The following SLC6A15 variants were observed in gnomAD, a reference collection of about 807,000 sequenced individuals.
SLC6A15 encodes solute carrier family 6 member 15.
SLC6A15 carries 33 observed loss-of-function variants against 68.5 expected under a neutral mutation model. The ratio of observed to expected loss-of-function variants is 0.48; its 90% CI spans 0.37 to 0.64. The LOEUF (loss-of-function observed/expected upper bound fraction) is 0.64. SLC6A15 is among the 30% of genes least tolerant of loss of function. The probability of loss-of-function intolerance (pLI) is 0.00; values close to 1 mark genes in which losing one functional copy is unlikely to be tolerated. For missense variants in SLC6A15, 747 were observed against 874.3 expected, an observed-to-expected ratio of 0.85 and a Z score of 1.84; for synonymous variants, 347 against 301.0, an observed-to-expected ratio of 1.15 and a Z score of -1.58.
At chr12:84,902,225 A>G (rs113790643) in intron 1 of SLC6A15, among the ~76,000 whole-genome samples, 1 of 151,886 alleles carries the variant, frequency 6.6e-6, no homozygotes, top group Non-Finnish European at 1.5e-5. Flanking sequence ...AAGGAAGGGA[A>G]CTTTTTTTAC....
intron 1 of SLC6A15, among the ~76,000 whole-genome samples, chr12:84,908,813 TA>T (rs1873301820): frequency 1.3e-5 from 2 of 151,978 alleles, no homozygotes. Flanking sequence ...TGCTTCTTTT[TA>T]CACAACTATT....
intron 10 of SLC6A15, among the ~76,000 whole-genome samples, chr12:84,864,401 C>A (rs1052447521): frequency 4.0e-5 from 6 of 150,066 alleles, no homozygotes; most frequent in African/African-American, 1.2e-4. Flanking sequence ...CTCACTGCAA[C>A]CTCATCTTCC....
intron 4 of SLC6A15, 27 bp downstream of exon 4, chr12:84,885,408 C>A (rs1424084749): frequency 1.9e-6 from 3 of 1,557,174 alleles, no homozygotes; most frequent in Admixed American, 2.0e-5. Flanking sequence ...GCTTAAATAC[C>A]AAAACACTGT....
intron 10 of SLC6A15, among the ~76,000 whole-genome samples, chr12:84,866,752 G>A (rs1408207496): frequency 6.6e-6 from 1 of 152,122 alleles, no homozygotes; most frequent in Non-Finnish European, 1.5e-5. Context: ...TTGGAACTCT[G>A]CCAATACTTA....
At chr12:84,891,089 T>C (rs1872368504) in intron 2 of SLC6A15, among the ~76,000 whole-genome samples, 1 of 152,176 alleles carries the variant, frequency 6.6e-6, no homozygotes, top group African/African-American at 2.4e-5. Context: ...GTTTTTTCCC[T>C]AGACTTCTAA....
At chr12:84,905,715 A>C (rs1429673966) in intron 1 of SLC6A15, among the ~76,000 whole-genome samples, 1 of 152,216 alleles carries the variant, frequency 6.6e-6, no homozygotes, top group African/African-American at 2.4e-5. Flanking sequence ...ATTTGGTTGA[A>C]TCTGTGGATG....
chr12:84,893,762 G>T (rs772983944), intron 1 of SLC6A15, among the ~76,000 whole-genome samples: 13 of 152,162 alleles, frequency 8.5e-5, no homozygotes, highest in Non-Finnish European at 1.6e-4. Context: ...AACTTACTAT[G>T]TAACTAATTT....
Position 84,882,812 on chromosome 12 carries a change from A to G in SLC6A15, c.756+1047T>C, listed in dbSNP as rs1474392591. On this transcript the variant is annotated intron_variant, in intron 5 of 11. Coordinates refer to ENST00000266682, the MANE Select transcript of SLC6A15 (RefSeq NM_182767.6). ...TAATTAAATGGGATAAAGTATAAAA[A>G]GTAGTTATCACAGTACCCAAAGCAA... 3 of 207,398 alleles carry G rather than the reference A, an allele frequency of 1.4e-5. No individual in the cohort carries two copies. The South Asian group carries it at 5.0e-4, about 35-fold the overall frequency. The allele number at this position is 207,398 out of a possible 1,614,324, so 12.8% of individuals were successfully genotyped here.
chr12:84,861,867 G>A lies in SLC6A15; in HGVS notation c.1958C>T (p.Ala653Val). 1 of 1,613,922 alleles carries A rather than the reference G, an allele frequency of 6.2e-7. No homozygotes were observed. The highest frequency in any genetic ancestry group is 8.5e-7 in the Non-Finnish European group (1 of 1,179,912). ...CCTTCCTCTCTTATAGGTCACAGATGCTAAATTACCAGAACTATCATCTAT... is the reference window on the plus strand; with the variant it reads ...CCTTCCTCTCTTATAGGTCACAGATACTAAATTACCAGAACTATCATCTAT... The part of the protein sequence containing the change: ...NLIDDSSGNL[A>V]SVTYKRGRVL... The change falls in exon 12 of 12, where the codon GCA becomes GTA. Residue 653 changes from alanine to valine, a missense_variant. Physicochemically the swap from Ala to Val is moderately conservative, Grantham distance 64. Coordinates refer to ENST00000266682, the MANE Select transcript of SLC6A15 (RefSeq NM_182767.6).
At chr12:84,904,391 G>A (rs1284335047) in intron 1 of SLC6A15, among the ~76,000 whole-genome samples, 1 of 152,094 alleles carries the variant, frequency 6.6e-6, no homozygotes, top group Non-Finnish European at 1.5e-5. Flanking sequence ...CCACCCCACA[G>A]AAGAATGATT....
intron 1 of SLC6A15, among the ~76,000 whole-genome samples, chr12:84,905,855 C>G (rs1169575723): frequency 3.3e-5 from 5 of 152,176 alleles, no homozygotes; most frequent in African/African-American, 9.7e-5. Flanking sequence ...CAAAAGATTT[C>G]CATCACATAA....
chr12:84,886,043 T>C lies in SLC6A15; in HGVS notation c.315A>G (p.Ile105Met). 2 of 1,601,780 alleles carry C rather than the reference T, an allele frequency of 1.2e-6. No homozygotes were observed. The highest frequency in any genetic ancestry group is 2.2e-5 in the East Asian group (1 of 44,740). The change falls in exon 3 of 12, where the codon ATA becomes ATG. Residue 105 changes from isoleucine to methionine, a missense_variant. Ile to Met is a conservative substitution (Grantham distance 10, BLOSUM62 1). Transcript: ENST00000266682. ...GGGGAATACCTATTACCATAAGTAG[T>C]ATTAAATATGGTAAAAGATATGCAC... Reference protein sequence around the residue: ...GGGAYLLPYLILLMVIGIPLF... With the variant: ...GGGAYLLPYLMLLMVIGIPLF...
At chr12:84,877,516 C>T (rs1160388525) in intron 5 of SLC6A15, among the ~76,000 whole-genome samples, 1 of 152,188 alleles carries the variant, frequency 6.6e-6, no homozygotes, top group Non-Finnish European at 1.5e-5. Context: ...GGCCACCACT[C>T]TTCCCATGGA....
intron 5 of SLC6A15, chr12:84,883,596 T>A (rs1871931262): frequency 2.1e-6 from 3 of 1,397,288 alleles, no homozygotes; most frequent in South Asian, 3.3e-5. Flanking sequence ...AAAGGACTTT[T>A]AAGTATTCAC....
intron 1 of SLC6A15, among the ~76,000 whole-genome samples, chr12:84,900,965 CATACATATATACA>C (rs1872842004): frequency 7.1e-6 from 1 of 141,154 alleles, no homozygotes; most frequent in Non-Finnish European, 1.5e-5. Flanking sequence ...TATATATATA[CATACATATATACA>C]TGTATATATG....
intron 2 of SLC6A15, among the ~76,000 whole-genome samples, chr12:84,889,494 A>G (rs1350554446): frequency 2.7e-5 from 4 of 150,100 alleles, no homozygotes; most frequent in African/African-American, 7.6e-5. Flanking sequence ...ACTCGGTCTC[A>G]GAAAAAAATA....
In SLC6A15 at chr12:84,861,550, G is replaced by C; in HGVS notation, c.*82C>G. The C allele has an allele frequency of 6.8e-7, 1 of 1,478,576 alleles. No individual in the cohort carries two copies. The highest frequency in any genetic ancestry group is 9.1e-7 in the Non-Finnish European group (1 of 1,099,658). The allele number at this position is 1,478,576 out of a possible 1,614,324, so 91.6% of individuals were successfully genotyped here. On this transcript the variant is annotated 3_prime_UTR_variant, in exon 12 of 12. Transcript: ENST00000266682. ...AACACCTGAGATTGCCCTCTGATAA[G>C]TGAAGCCTAATGCTTCTCCTACTAG...
intron 3 of SLC6A15, 80 bp from the exon 4 acceptor site, chr12:84,885,641 T>C: frequency 1.5e-6 from 2 of 1,368,996 alleles, no homozygotes; most frequent in African/African-American, 1.5e-5. Flanking sequence ...TAAAATTTTA[T>C]TTAACATTTT....
intron 1 of SLC6A15, among the ~76,000 whole-genome samples, chr12:84,894,753 T>C (rs1414182190): frequency 6.6e-6 from 1 of 152,140 alleles, no homozygotes; most frequent in Non-Finnish European, 1.5e-5. Context: ...AAGTTATCCT[T>C]TGGCAAAGTT....
Sources: allele counts gnomAD v4.1 joint callset (sites outside exome capture counted in the v4.1 genomes callset), GRCh38; gene constraint gnomAD v4.1.1; transcripts MANE v1.5; gene names NCBI Gene and HGNC (gene_info 2026-07-23, HGNC 2026-07-21).